Variants in TMEM217 observed in about 807,000 individuals in gnomAD.
The protein encoded by TMEM217 is transmembrane protein 217.
For missense variants in TMEM217, 204 were observed against 248.8 expected (o/e 0.82, Z 1.21); for synonymous variants, 76 against 88.3 (o/e 0.86, Z 0.78).
At chr6:37,240,352 G>A (rs1019725857) in intron 1 of TMEM217, among the ~76,000 whole-genome samples, 14 of 152,180 alleles carry the variant, frequency 9.2e-5, no homozygotes, top group Admixed American at 6.5e-5. Flanking sequence ...ATCCAAGCTC[G>A]CTCTCTCTGA....
chr6:37,227,245 T>C (rs1763891149), intron 1 of TMEM217, among the ~76,000 whole-genome samples: 1 of 152,226 alleles, frequency 6.6e-6, no homozygotes, highest in East Asian at 1.9e-4. Context: ...GAGTAGGCCT[T>C]TGGTCAGTGT....
intron 1 of TMEM217, among the ~76,000 whole-genome samples, chr6:37,238,822 T>C (rs1230253345): frequency 6.6e-6 from 1 of 152,236 alleles, no homozygotes; most frequent in African/African-American, 2.4e-5. Context: ...TAAGTATTGA[T>C]ATATGATTTT....
At chr6:37,238,326 AT>A (rs1437819719) in intron 1 of TMEM217, among the ~76,000 whole-genome samples, 1 of 152,218 alleles carries the variant, frequency 6.6e-6, no homozygotes, top group Non-Finnish European at 1.5e-5. Flanking sequence ...TTTTTACTTT[AT>A]GCCAAGGAGT....
chr6:37,219,209 G>A (rs1435557969), intron 1 of TMEM217, among the ~76,000 whole-genome samples, 168 bp from the exon 2 acceptor site: 1 of 152,158 alleles, frequency 6.6e-6, no homozygotes, highest in South Asian at 2.1e-4. Context: ...ATAGATTGGG[G>A]GTGGGGAAGA....
chr6:37,248,197 T>C (rs1212507387), intron 1 of TMEM217, among the ~76,000 whole-genome samples: 2 of 152,214 alleles, frequency 1.3e-5, no homozygotes, highest in African/African-American at 4.8e-5. Context: ...TCACTTGTCA[T>C]GCTGCTTTAC....
intron 1 of TMEM217, among the ~76,000 whole-genome samples, chr6:37,249,862 T>G (rs1301080642): frequency 3.3e-5 from 5 of 152,212 alleles, no homozygotes; most frequent in Non-Finnish European, 7.3e-5. Context: ...AAAGTTGAAC[T>G]TATGCATACA....
In TMEM217 at chr6:37,231,605, G is replaced by A. The variant is rs112540171; in HGVS notation, c.-11-12564C>T. On this transcript the variant is annotated intron_variant, in intron 1 of 1. Transcript: ENST00000357219. ...GGAGAATGGCGTGAACCCGGGAGGT[G>A]GGGTTGCGGTGAGCCGAGATTGCAC... 4.7e-3 allele frequency among the ~76,000 whole-genome samples: 707 copies of A among 149,178 alleles called. 11 individuals are homozygous for A. The highest frequency in any genetic ancestry group is 0.016 in the African/African-American group (650 of 40,758).
At chr6:37,256,970 G>T (rs1765782289) in intron 1 of TMEM217, among the ~76,000 whole-genome samples, 1 of 152,206 alleles carries the variant, frequency 6.6e-6, no homozygotes, top group South Asian at 2.1e-4. Context: ...ATTCAAGGGT[G>T]CAAGATTTAT....
intron 1 of TMEM217, among the ~76,000 whole-genome samples, chr6:37,236,438 C>T (rs1459813385): frequency 6.6e-6 from 1 of 152,066 alleles, no homozygotes; most frequent in Non-Finnish European, 1.5e-5. Context: ...CTCCCAGGTT[C>T]AATCCTGGGG....
chr6:37,226,729 T>A (rs1763866897), intron 1 of TMEM217, among the ~76,000 whole-genome samples: 1 of 151,958 alleles, frequency 6.6e-6, no homozygotes, highest in Non-Finnish European at 1.5e-5. Context: ...ACCCAGCTAA[T>A]TTTTTTGTAT....
intron 1 of TMEM217, among the ~76,000 whole-genome samples, chr6:37,220,318 C>A (rs1297512617): frequency 7.2e-5 from 11 of 152,162 alleles, no homozygotes; most frequent in Admixed American, 7.2e-4. Context: ...ATTATGACAG[C>A]AATGCAGGGT....
At chr6:37,240,249 G>T (rs760066917) in intron 1 of TMEM217, among the ~76,000 whole-genome samples, 3 of 152,190 alleles carry the variant, frequency 2.0e-5, no homozygotes, top group Non-Finnish European at 2.9e-5. Context: ...GTAGGTGGGT[G>T]GTTCTGGTTC....
At chr6:37,252,630 TATATATA>T (rs1562027808) in intron 1 of TMEM217, among the ~76,000 whole-genome samples, 179 of 72,976 alleles carry the variant, frequency 2.5e-3, no homozygotes, top group Non-Finnish European at 3.3e-3. Flanking sequence ...TATATATATA[TATATATA>T]TTTTTTTTTT....
chr6:37,237,518 TA>T (rs1421803031), intron 1 of TMEM217, among the ~76,000 whole-genome samples: 1 of 152,160 alleles, frequency 6.6e-6, no homozygotes, highest in Non-Finnish European at 1.5e-5. Flanking sequence ...ATGCAGACAT[TA>T]AAAAGGATAT....
At chr6:37,232,581 AC>A (rs34677509) in intron 1 of TMEM217, among the ~76,000 whole-genome samples, 99,484 of 151,746 alleles carry the variant, frequency 0.66, 32,753 homozygotes, top group East Asian at 0.85. Flanking sequence ...AAATCCTACT[AC>A]CCTTCTCTGG....
chr6:37,248,734 A>G (rs895018822), intron 1 of TMEM217, among the ~76,000 whole-genome samples: 2 of 152,264 alleles, frequency 1.3e-5, no homozygotes, highest in Non-Finnish European at 2.9e-5. Context: ...TCTGGGGAGC[A>G]GAAATAGGTG....
chr6:37,215,065 TC>T, downstream of TMEM217: 1 of 1,170,562 alleles, frequency 8.5e-7, no homozygotes, highest in Non-Finnish European at 1.2e-6. Flanking sequence ...GCCCACTGGT[TC>T]CACAGCTCTG....
chr6:37,246,084 G>A (rs1765064120), intron 1 of TMEM217, among the ~76,000 whole-genome samples: 1 of 152,158 alleles, frequency 6.6e-6, no homozygotes, highest in Non-Finnish European at 1.5e-5. Flanking sequence ...TTACAGGCGT[G>A]AGCCACTGCG....
intron 1 of TMEM217, among the ~76,000 whole-genome samples, chr6:37,225,500 TAAAAA>T (rs1222945291): frequency 6.6e-6 from 1 of 151,928 alleles, no homozygotes; most frequent in African/African-American, 2.4e-5. Context: ...AGGAAAAAAA[TAAAAA>T]GAGTGGAAAA....
Sources: gnomAD v4.1 joint callset for allele counts (sites outside exome capture counted in the v4.1 genomes callset) on GRCh38, gnomAD v4.1.1 for gene constraint, MANE v1.5 for transcripts, NCBI Gene and HGNC (gene_info 2026-07-23, HGNC 2026-07-21) for gene names.